PTK2: variants seen among roughly 807,000 people sequenced by gnomAD.
PTK2 encodes the protein focal adhesion kinase 1.
Under a neutral mutation model 150.1 loss-of-function variants are expected in PTK2, and 45 were observed. That is an observed-to-expected ratio of 0.30 (90% CI 0.24 to 0.38). PTK2 has a LOEUF of 0.38. PTK2 is among the 10% of genes least tolerant of loss of function. The probability of loss-of-function intolerance (pLI) is 1.00; values close to 1 mark genes in which losing one functional copy is unlikely to be tolerated. For synonymous variants in PTK2, 432 were observed against 449.2 expected, an observed-to-expected ratio of 0.96 and a Z score of 0.48; for missense variants, 919 against 1,307.3, an observed-to-expected ratio of 0.70 and a Z score of 4.58.
intron 1 of PTK2, among the ~76,000 whole-genome samples, chr8:140,938,911 G>C (rs1422913327): frequency 1.3e-5 from 2 of 152,162 alleles, no homozygotes; most frequent in East Asian, 3.8e-4. Context: ...AGGAGGCTAA[G>C]GCAGGAGGAT....
At chr8:140,821,402 T>C (rs2100108482) in intron 8 of PTK2, 1 of 152,240 alleles carries the variant, frequency 6.6e-6, no homozygotes, top group Admixed American at 6.5e-5. Context: ...TTGGGACATT[T>C]GGATGATCAT....
chr8:140,838,075 C>G (rs1423956045), intron 7 of PTK2, among the ~76,000 whole-genome samples: 3 of 151,764 alleles, frequency 2.0e-5, no homozygotes, highest in Non-Finnish European at 4.4e-5. Flanking sequence ...AAAAAAAGTA[C>G]AGTAAAGCTG....
At chr8:140,751,352 A>T (rs948706829) in intron 17 of PTK2, among the ~76,000 whole-genome samples, 1 of 151,694 alleles carries the variant, frequency 6.6e-6, no homozygotes, top group Non-Finnish European at 1.5e-5. Context: ...TAATTTTTAA[A>T]TTTTTTCATA....
chr8:140,838,986 C>T (rs1400319308), intron 7 of PTK2, among the ~76,000 whole-genome samples: 1 of 143,520 alleles, frequency 7.0e-6, no homozygotes, highest in Non-Finnish European at 1.5e-5. Context: ...AGCCTGGGCA[C>T]AGAGTGAGAC....
chr8:140,828,406 T>C (rs1231443099), intron 8 of PTK2, among the ~76,000 whole-genome samples: 1 of 152,172 alleles, frequency 6.6e-6, no homozygotes, highest in African/African-American at 2.4e-5. Flanking sequence ...CTGTGACCTG[T>C]ACCTGTGGTT....
intron 26 of PTK2, among the ~76,000 whole-genome samples, chr8:140,692,935 G>C (rs1351985839): frequency 6.6e-6 from 1 of 152,060 alleles, no homozygotes; most frequent in Non-Finnish European, 1.5e-5. Context: ...CTATGTGAGG[G>C]AAAAATGCTC....
rs115390542 is a variant in PTK2 at position 140,740,948 on chromosome 8, A to T, written c.1736-1841T>A. 4.5e-3 allele frequency among the ~76,000 whole-genome samples: 687 copies of T among 151,116 alleles called. 6 individuals carry two copies. Among genetic ancestry groups the T allele is most frequent in the African/African-American group, 0.016 (663 of 41,102 alleles). On this transcript the variant is annotated intron_variant, in intron 20 of 31. Coordinates refer to ENST00000522684, the Ensembl canonical transcript of PTK2. ...GCTTGAGCCCATGAGTTCAAGACCA[A>T]TCTAGGCAACAAAGTGAGATCTCAT...
intron 16 of PTK2, among the ~76,000 whole-genome samples, chr8:140,756,664 A>G (rs1180368921): frequency 7.0e-6 from 1 of 141,872 alleles, no homozygotes; most frequent in Admixed American, 7.3e-5. Flanking sequence ...GCACTCCAGC[A>G]TGGGCAACAA....
intron 5 of PTK2, among the ~76,000 whole-genome samples, chr8:140,854,337 C>A (rs758218854): frequency 6.6e-6 from 1 of 152,198 alleles, no homozygotes; most frequent in Non-Finnish European, 1.5e-5. Flanking sequence ...ATCCTCAATG[C>A]AGATTAATAT....
chr8:140,889,430 T>C (rs942606556), intron 3 of PTK2, among the ~76,000 whole-genome samples: 1 of 151,998 alleles, frequency 6.6e-6, no homozygotes, highest in African/African-American at 2.4e-5. Context: ...GGTTTCGCCA[T>C]GTTGGCCAGG....
intron 10 of PTK2, among the ~76,000 whole-genome samples, chr8:140,808,681 T>C (rs970469413): frequency 4.0e-5 from 6 of 151,720 alleles, no homozygotes; most frequent in Non-Finnish European, 7.4e-5. Context: ...GTAATATTCT[T>C]CTAAATAATG....
At chr8:140,979,779 G>A (rs2100190712) in intron 1 of PTK2, among the ~76,000 whole-genome samples, 1 of 152,146 alleles carries the variant, frequency 6.6e-6, no homozygotes, top group African/African-American at 2.4e-5. Context: ...ATAAGGGGGA[G>A]TTCCCTTATA....
Position 140,996,704 on chromosome 8 carries a change from A to G in PTK2, c.-122+4421T>C, listed in dbSNP as rs530225864. ...ATCTGTTTACAGCATGTTTTACTGA[A>G]TATTTTAAGCCCACTGTTGAGATCT... is the stretch of plus-strand genomic sequence containing the variant. On this transcript the variant is annotated intron_variant, in intron 1 of 31. Coordinates refer to ENST00000522684, the Ensembl canonical transcript of PTK2. Among the ~76,000 whole-genome samples, 113 of 152,352 alleles carry G rather than the reference A, an allele frequency of 7.4e-4. 1 individual carries two copies. Among genetic ancestry groups the G allele is most frequent in the African/African-American group, 2.5e-3 (104 of 41,580 alleles).
chr8:140,972,706 A>C (rs972328831), intron 1 of PTK2, among the ~76,000 whole-genome samples: 8 of 152,128 alleles, frequency 5.3e-5, no homozygotes, highest in Admixed American at 3.9e-4. Flanking sequence ...CTGCCCCTTT[A>C]CAAAAAAGTT....
rs557017839 is a variant in PTK2, at chr8:140,951,426, T to C, written c.-121-25677A>G. Among the ~76,000 whole-genome samples the C allele has an allele frequency of 2.0e-5, 3 of 152,258 alleles. No homozygotes were observed. In the East Asian group the frequency reaches 5.8e-4, roughly 29 times the overall value. On this transcript the variant is annotated intron_variant, in intron 1 of 31. Transcript: ENST00000522684. Reference sequence around the variant, plus strand: ...GCATTACATCATGAAATTCAATGGATTGGAAGCCAGACTTACACATATGGA... The same window carrying C: ...GCATTACATCATGAAATTCAATGGACTGGAAGCCAGACTTACACATATGGA...
intron 2 of PTK2, among the ~76,000 whole-genome samples, chr8:140,918,858 C>T (rs533475758): frequency 3.1e-4 from 47 of 152,270 alleles, no homozygotes; most frequent in African/African-American, 1.1e-3. Flanking sequence ...GTGTCTTTAT[C>T]TACAAGTTGT....
intron 7 of PTK2, 118 bp downstream of exon 7, chr8:140,846,142 T>A: frequency 1.4e-6 from 1 of 738,520 alleles, no homozygotes; most frequent in Non-Finnish European, 2.1e-6. Context: ...GTCCTTTTCC[T>A]CTTCTGGATA....
chr8:140,827,096 T>C (rs1019661718), intron 8 of PTK2, among the ~76,000 whole-genome samples: 6 of 152,098 alleles, frequency 3.9e-5, no homozygotes, highest in Admixed American at 1.3e-4. Flanking sequence ...CAAATTTATA[T>C]TCTAGAATCC....
At chr8:140,834,624 T>C (rs565006955) in intron 7 of PTK2, among the ~76,000 whole-genome samples, 1 of 152,338 alleles carries the variant, frequency 6.6e-6, no homozygotes, top group African/African-American at 2.4e-5. Context: ...TAACAGATCA[T>C]GGGATAGAAA....
Sources: allele counts gnomAD v4.1 joint callset (sites outside exome capture counted in the v4.1 genomes callset), GRCh38; gene constraint gnomAD v4.1.1; transcripts MANE v1.5; gene names NCBI Gene and HGNC (gene_info 2026-07-23, HGNC 2026-07-21).